The following GRM1 variants were observed in gnomAD, a reference collection of about 807,000 sequenced individuals.
GRM1 encodes glutamate metabotropic receptor 1.
GRM1 carries 33 observed loss-of-function variants against 90.9 expected under a neutral mutation model. The observed-to-expected ratio is 0.36, with a 90% CI of 0.28 to 0.49. GRM1 has a LOEUF of 0.49. Ranked by LOEUF, GRM1 falls within the 20% of genes least tolerant of loss-of-function variation. GRM1 has a pLI of 0.99. For missense variants in GRM1, 1,190 were observed against 1,534.3 expected, an observed-to-expected ratio of 0.78 and a Z score of 3.75; for synonymous variants, 700 against 613.2, an observed-to-expected ratio of 1.14 and a Z score of -2.09.
chr6:146,188,541 C>T (rs1300441021), intron 2 of GRM1, among the ~76,000 whole-genome samples: 1 of 152,110 alleles, frequency 6.6e-6, no homozygotes, highest in Non-Finnish European at 1.5e-5. Flanking sequence ...GAATATTATC[C>T]TACTTTTAAA....
At chr6:146,413,114 G>A (rs1297846504) in intron 7 of GRM1, among the ~76,000 whole-genome samples, 1 of 152,038 alleles carries the variant, frequency 6.6e-6, no homozygotes, top group Non-Finnish European at 1.5e-5. Context: ...AAAACATTTT[G>A]TCTACAATCT....
intron 2 of GRM1, among the ~76,000 whole-genome samples, chr6:146,160,793 T>G (rs1348275148): frequency 5.3e-5 from 8 of 152,050 alleles, no homozygotes; most frequent in Non-Finnish European, 1.0e-4. Flanking sequence ...GAAATACAAA[T>G]AAATGAATAA....
chr6:146,217,406 C>A (rs1374772534), intron 2 of GRM1, among the ~76,000 whole-genome samples: 1 of 152,012 alleles, frequency 6.6e-6, no homozygotes, highest in Non-Finnish European at 1.5e-5. Flanking sequence ...TTTTATTTAC[C>A]GATAAAAATC....
intron 2 of GRM1, among the ~76,000 whole-genome samples, chr6:146,273,704 A>G (rs1782251012): frequency 6.6e-6 from 1 of 152,208 alleles, no homozygotes; most frequent in African/African-American, 2.4e-5. Flanking sequence ...TATAAACCAG[A>G]GGGTAAATAC....
At chr6:146,248,167 C>T (rs1255040706) in intron 2 of GRM1, among the ~76,000 whole-genome samples, 1 of 152,028 alleles carries the variant, frequency 6.6e-6, no homozygotes, top group Admixed American at 6.6e-5. Context: ...TTCGTTCCTA[C>T]AGAAGCAACC....
chr6:146,427,311 A>G (rs1362501704), intron 7 of GRM1, among the ~76,000 whole-genome samples: 1 of 152,154 alleles, frequency 6.6e-6, no homozygotes, highest in East Asian at 1.9e-4. Context: ...TTAGCTCTTG[A>G]CAGTGTCTTT....
At chr6:146,151,337 A>C (rs1777327848) in intron 1 of GRM1, among the ~76,000 whole-genome samples, 1 of 152,240 alleles carries the variant, frequency 6.6e-6, no homozygotes, top group Non-Finnish European at 1.5e-5. Flanking sequence ...AATATGCAGG[A>C]ATGAGCAATG....
intron 5 of GRM1, among the ~76,000 whole-genome samples, chr6:146,371,445 A>G (rs371926287): frequency 6.6e-6 from 1 of 152,130 alleles, no homozygotes; most frequent in East Asian, 1.9e-4. Context: ...TCCTTCCCTC[A>G]AGCATTTATC....
intron 7 of GRM1, among the ~76,000 whole-genome samples, chr6:146,431,126 A>T (rs926551165): frequency 6.6e-6 from 1 of 152,166 alleles, no homozygotes; most frequent in Non-Finnish European, 1.5e-5. Context: ...AGTTTATTTT[A>T]TCCTTGAAAA....
chr6:146,335,304 G>A lies in GRM1; in HGVS notation c.1187-16946G>A, dbSNP rs3025909. On this transcript the variant is annotated intron_variant, in intron 3 of 7. Transcript: ENST00000282753. ...TTCCAGCTGGTTCAAAGTACCTAAC[G>A]CATTGTTTCAGTCTCTCTACATAGA... is the stretch of plus-strand genomic sequence containing the variant. Among the ~76,000 whole-genome samples, 951 of 152,078 alleles carry A rather than the reference G, an allele frequency of 6.3e-3. 9 individuals carry two copies. The highest frequency in any genetic ancestry group is 0.019 in the Admixed American group (292 of 15,268).
intron 2 of GRM1, among the ~76,000 whole-genome samples, chr6:146,264,005 A>G (rs1781787401): frequency 1.3e-5 from 2 of 152,156 alleles, no homozygotes; most frequent in Admixed American, 6.5e-5. Context: ...ATGTTAAATT[A>G]ACATCTTAAT....
intron 6 of GRM1, 84 bp from the exon 7 acceptor site, chr6:146,398,685 A>C: frequency 1.1e-6 from 1 of 906,116 alleles, no homozygotes; most frequent in Non-Finnish European, 1.9e-6. Context: ...TGCAAAGATG[A>C]CTGTGTCTCT....
chr6:146,090,538 T>C (rs1488517622), intron 1 of GRM1, among the ~76,000 whole-genome samples: 1 of 152,114 alleles, frequency 6.6e-6, no homozygotes, highest in African/African-American at 2.4e-5. Context: ...ACATTAAGAT[T>C]AGCCTTTATT....
intron 5 of GRM1, among the ~76,000 whole-genome samples, chr6:146,367,832 C>T (rs1775749974): frequency 1.3e-5 from 2 of 152,026 alleles, no homozygotes. Context: ...GGGCATCTAG[C>T]TTGATTCTGT....
At chr6:146,046,555 C>T (rs981561488) in intron 1 of GRM1, among the ~76,000 whole-genome samples, 1 of 151,928 alleles carries the variant, frequency 6.6e-6, no homozygotes, top group African/African-American at 2.4e-5. Context: ...TGTAGGTGGG[C>T]TTGAAGGGTA....
In GRM1 at chr6:146,399,844, C is replaced by T. The variant is rs1777095525; in HGVS notation, c.2660+145C>T. The T allele has an allele frequency of 4.5e-6, 3 of 665,562 alleles. No homozygotes were observed. Among genetic ancestry groups the T allele is most frequent in the Non-Finnish European group, 8.0e-6 (3 of 376,074 alleles). The allele number at this position is 665,562 out of a possible 1,614,324, so 41.2% of individuals were successfully genotyped here. A position where few individuals can be genotyped will look rare whatever the true frequency, so the allele number is the denominator to read the frequency against. On this transcript the variant is annotated intron_variant, in intron 7 of 7. Transcript: ENST00000282753. The surrounding 1 kb of genome is among the most constrained non-coding windows in gnomAD (Gnocchi z 5.4). ...TCCATTTCCCCCATGTCTTTCTCTT[C>T]CTTTCTTAATCTTTTCTCCCTTTCT...
At chr6:146,394,755 C>T (rs1776866252) in intron 6 of GRM1, among the ~76,000 whole-genome samples, 1 of 152,048 alleles carries the variant, frequency 6.6e-6, no homozygotes, top group Non-Finnish European at 1.5e-5. Context: ...GGCTTTTCAA[C>T]AGGGGAACGC....
chr6:146,086,292 C>T (rs779172034), intron 1 of GRM1, among the ~76,000 whole-genome samples: 3 of 152,088 alleles, frequency 2.0e-5, no homozygotes, highest in African/African-American at 4.8e-5. Context: ...TTCACTGAAT[C>T]GCACATGTCT....
intron 1 of GRM1, among the ~76,000 whole-genome samples, chr6:146,068,877 G>T (rs1775939426): frequency 6.6e-6 from 1 of 152,088 alleles, no homozygotes; most frequent in Admixed American, 6.5e-5. Flanking sequence ...AACAATCCTT[G>T]AACATCAATT....
Sources: gnomAD v4.1 joint callset for allele counts (sites outside exome capture counted in the v4.1 genomes callset) on GRCh38, gnomAD v4.1.1 for gene constraint, Gnocchi (gnomAD v3.1) non-coding constraint, MANE v1.5 for transcripts, NCBI Gene and HGNC (gene_info 2026-07-23, HGNC 2026-07-21) for gene names.